Variants in DCLK1 observed in about 807,000 individuals in gnomAD.
DCLK1 encodes doublecortin like kinase 1.
Under a neutral mutation model 86.2 loss-of-function variants are expected in DCLK1, and 16 were observed. The ratio of observed to expected loss-of-function variants is 0.19; its 90% CI spans 0.13 to 0.28. The LOEUF is 0.28. DCLK1 is among the 10% of genes least tolerant of loss of function. DCLK1 has a pLI of 1.00. For missense variants in DCLK1, 590 were observed against 940.2 expected, an observed-to-expected ratio of 0.63 and a Z score of 4.87; for synonymous variants, 369 against 370.5, an observed-to-expected ratio of 1.00 and a Z score of 0.05.
chr13:35,855,175 T>C (rs987828270), intron 5 of DCLK1, among the ~76,000 whole-genome samples: 3 of 152,224 alleles, frequency 2.0e-5, no homozygotes, highest in African/African-American at 7.2e-5. Flanking sequence ...CAGTTTCTCT[T>C]TGCTGCCTTT....
At chr13:36,112,528 G>A (rs1309853811) in intron 2 of DCLK1, among the ~76,000 whole-genome samples, 1 of 152,114 alleles carries the variant, frequency 6.6e-6, no homozygotes, top group African/African-American at 2.4e-5. Context: ...ATTTAAAATA[G>A]AAAATATTCT....
intron 3 of DCLK1, among the ~76,000 whole-genome samples, chr13:35,951,563 C>T (rs1485648833): frequency 6.6e-6 from 1 of 151,518 alleles, no homozygotes; most frequent in Non-Finnish European, 1.5e-5. Context: ...CTCTGAACCT[C>T]TACCCATTGA....
chr13:36,105,991 C>T (rs1328317262), intron 3 of DCLK1, among the ~76,000 whole-genome samples: 7 of 152,296 alleles, frequency 4.6e-5, no homozygotes, highest in Admixed American at 2.6e-4. Flanking sequence ...GACTTGTAAA[C>T]GTCCCCCAAA....
chr13:36,062,088 C>T (rs1180350685), intron 3 of DCLK1, among the ~76,000 whole-genome samples: 1 of 152,032 alleles, frequency 6.6e-6, no homozygotes, highest in African/African-American at 2.4e-5. Flanking sequence ...TAAAATGTCA[C>T]CCTTGTGGGT....
chr13:36,103,564 A>C (rs777967677), intron 3 of DCLK1, among the ~76,000 whole-genome samples: 1 of 152,160 alleles, frequency 6.6e-6, no homozygotes, highest in Non-Finnish European at 1.5e-5. Flanking sequence ...AAAGGACAAG[A>C]CCAATTAAAA....
chr13:35,901,376 G>T (rs1282803965), intron 4 of DCLK1, among the ~76,000 whole-genome samples: 2 of 147,830 alleles, frequency 1.4e-5, no homozygotes, highest in African/African-American at 4.9e-5. Flanking sequence ...TGTAGTCCCA[G>T]TTACTTGGGA....
intron 3 of DCLK1, among the ~76,000 whole-genome samples, chr13:36,110,984 C>T (rs2138187944): frequency 6.6e-6 from 1 of 151,998 alleles, no homozygotes; most frequent in East Asian, 1.9e-4. Flanking sequence ...GCGCCCACCA[C>T]CACACCCAGG....
intron 3 of DCLK1, among the ~76,000 whole-genome samples, chr13:35,952,186 G>GA (rs1877730073): frequency 6.6e-6 from 1 of 152,012 alleles, no homozygotes; most frequent in Admixed American, 6.5e-5. Context: ...AATATAAATG[G>GA]AAAAAATGTT....
intron 3 of DCLK1, among the ~76,000 whole-genome samples, chr13:36,045,332 G>GTA (rs1174545505): frequency 0.034 from 1,906 of 55,316 alleles, 39 homozygotes; most frequent in Non-Finnish European, 0.041. Context: ...GTGTGTGTGT[G>GTA]TATATATATA....
At chr13:35,980,237 C>T (rs1242618200) in intron 3 of DCLK1, among the ~76,000 whole-genome samples, 1 of 152,178 alleles carries the variant, frequency 6.6e-6, no homozygotes, top group Non-Finnish European at 1.5e-5. Flanking sequence ...GGGAGGATTG[C>T]TTGAGCTCAG....
At chr13:35,850,478 A>G in intron 6 of DCLK1, 1 of 1,174,412 alleles carries the variant, frequency 8.5e-7, no homozygotes, top group Non-Finnish European at 1.1e-6. Flanking sequence ...CAAAAATCTC[A>G]GCATTTTGTG....
At chr13:35,869,963 G>A (rs1872152572) in intron 5 of DCLK1, among the ~76,000 whole-genome samples, 1 of 152,174 alleles carries the variant, frequency 6.6e-6, no homozygotes. Context: ...GTTCCCAAGT[G>A]ACTCTCATGA....
chr13:35,796,292 T>C (rs1351313848), intron 15 of DCLK1, among the ~76,000 whole-genome samples: 3 of 152,070 alleles, frequency 2.0e-5, no homozygotes, highest in Non-Finnish European at 4.4e-5. Flanking sequence ...GTGGAGAAGG[T>C]TGAGGAAAGG....
intron 3 of DCLK1, among the ~76,000 whole-genome samples, chr13:36,106,440 CAT>C (rs1174453941): frequency 1.3e-5 from 2 of 152,308 alleles, no homozygotes; most frequent in East Asian, 3.9e-4. Flanking sequence ...GATGGTTTAA[CAT>C]GTGCTCTGAG....
intron 5 of DCLK1, among the ~76,000 whole-genome samples, chr13:35,860,489 G>GA: frequency 6.6e-6 from 1 of 152,038 alleles, no homozygotes; most frequent in South Asian, 2.1e-4. Flanking sequence ...CTGAGACAAT[G>GA]GGTCCAATTC....
chr13:35,793,986 G>A (rs1190956721), intron 15 of DCLK1, among the ~76,000 whole-genome samples: 2 of 152,108 alleles, frequency 1.3e-5, no homozygotes, highest in Non-Finnish European at 1.5e-5. Context: ...AAAATTCCAG[G>A]CAGCCTTCCA....
chr13:35,786,590 T>A (rs989773086), intron 16 of DCLK1, among the ~76,000 whole-genome samples: 2 of 152,142 alleles, frequency 1.3e-5, no homozygotes, highest in Non-Finnish European at 2.9e-5. Context: ...AGGGGCATGT[T>A]CAGTTTGTGA....
intron 11 of DCLK1, among the ~76,000 whole-genome samples, chr13:35,819,154 AAATC>A (rs1224511159): frequency 2.6e-5 from 4 of 152,314 alleles, no homozygotes; most frequent in African/African-American, 9.6e-5. Context: ...GAACCATGTA[AAATC>A]ATGGGCATGA....
At chr13:35,774,880 G>A (rs1422619878) in intron 16 of DCLK1, among the ~76,000 whole-genome samples, 181 bp from the exon 17 acceptor site, 1 of 152,142 alleles carries the variant, frequency 6.6e-6, no homozygotes, top group African/African-American at 2.4e-5. Flanking sequence ...ACAAATCCAG[G>A]TCTTTAAGGG....
Sources: gnomAD v4.1 joint callset for allele counts (sites outside exome capture counted in the v4.1 genomes callset) on GRCh38, gnomAD v4.1.1 for gene constraint, MANE v1.5 for transcripts, NCBI Gene and HGNC (gene_info 2026-07-23, HGNC 2026-07-21) for gene names.